The following ALG12 variants were observed in gnomAD, a reference collection of about 807,000 sequenced individuals.
ALG12 encodes the protein dol-P-Man:Man(7)GlcNAc(2)-PP-Dol alpha-1,6-mannosyltransferase.
In ALG12, 36 loss-of-function variants were observed where a neutral mutation model predicts 46.0. The observed-to-expected ratio is 0.78, with a 90% CI of 0.60 to 1.03. The LOEUF (loss-of-function observed/expected upper bound fraction) is 1.03. Ranked by LOEUF, ALG12 falls within the 50% of genes least tolerant of loss-of-function variation. The pLI is 0.00. For synonymous variants in ALG12, 326 were observed against 291.6 expected, an observed-to-expected ratio of 1.12 and a Z score of -1.20; for missense variants, 599 against 633.5, an observed-to-expected ratio of 0.95 and a Z score of 0.58.
chr22:49,866,940 T>G, the ALG12 span, among the ~76,000 whole-genome samples: 14 of 152,308 alleles, frequency 9.2e-5, 2 homozygotes, highest in Admixed American at 2.0e-4. Flanking sequence ...TCACCTGCCT[T>G]CCTTGGCTTG....
chr22:49,914,510 T>C (rs1432933375), intron 1 of ALG12, among the ~76,000 whole-genome samples: 3 of 151,794 alleles, frequency 2.0e-5, no homozygotes, highest in Admixed American at 1.3e-4. Context: ...TGGCAATGGG[T>C]CCCCCAAACA....
intron 3 of ALG12, 110 bp downstream of exon 3, chr22:49,913,275 G>A: frequency 6.5e-7 from 1 of 1,541,486 alleles, no homozygotes; most frequent in South Asian, 1.1e-5. Context: ...TCGAGGGCAG[G>A]CAAGACTAAC....
In ALG12 at chr22:49,913,625, G is replaced by A. The variant is rs745357820; in HGVS notation, c.141C>T (p.Tyr47=). ...TCACCTGCTCCAGGTCTTGCCAGTG[G>A]TAGAGCAGGTCATGTGTGGCCTGCA... The part of the protein sequence containing the change: ...FNLQATHDLL[Y]HWQDLEQYDH... The change falls in exon 2 of 10, where the codon TAC becomes TAT. Residue 47 remains tyrosine (Y), a synonymous_variant. Transcript: ENST00000330817. The A allele has an allele frequency of 1.9e-6, 3 of 1,614,002 alleles. No individual in the cohort carries two copies. The highest frequency in any genetic ancestry group is 1.7e-5 in the Admixed American group (1 of 60,002).
At chr22:49,875,377 A>C in the ALG12 span, among the ~76,000 whole-genome samples, 5 of 151,180 alleles carry the variant, frequency 3.3e-5, no homozygotes, top group African/African-American at 1.2e-4. Flanking sequence ...TCTGTCTTTC[A>C]AGTAATTTGT....
chr22:49,896,176 G>A (rs941099729), downstream of ALG12, among the ~76,000 whole-genome samples: 26 of 152,246 alleles, frequency 1.7e-4, no homozygotes, highest in Non-Finnish European at 3.5e-4. Context: ...ATATGCACGT[G>A]TCTCTTGCAT....
chr22:49,886,733 A>G, the ALG12 span: 5 of 1,613,156 alleles, frequency 3.1e-6, no homozygotes, highest in South Asian at 5.5e-5. This position sits in a 1 kb window ranked among gnomAD's most constrained non-coding sequence, Gnocchi z 7.7. Context: ...GAGGCGGAGC[A>G]GTACAAACAG....
At chr22:49,880,122 C>T in the ALG12 span, among the ~76,000 whole-genome samples, 1 of 89,920 alleles carries the variant, frequency 1.1e-5, no homozygotes, top group Non-Finnish European at 3.1e-5. Flanking sequence ...GTTTCCTCCT[C>T]TTGAGGCTGG....
chr22:49,883,868 A>G, the ALG12 span: 8 of 1,607,348 alleles, frequency 5.0e-6, no homozygotes, highest in Non-Finnish European at 6.8e-6. Context: ...TGCAGCTGCA[A>G]GCCCCCGGGG....
At chr22:49,883,566 C>T in the ALG12 span, 58 of 1,415,934 alleles carry the variant, frequency 4.1e-5, no homozygotes, top group South Asian at 1.2e-4. Context: ...GGAATTATGA[C>T]GAAAAAGTGA....
chr22:49,881,063 T>C, the ALG12 span, among the ~76,000 whole-genome samples: 2 of 152,244 alleles, frequency 1.3e-5, no homozygotes, highest in African/African-American at 4.8e-5. Flanking sequence ...TTTCATTTTC[T>C]GGCCAGGCGC....
chr22:49,865,404 C>T, the ALG12 span, among the ~76,000 whole-genome samples: 3 of 152,178 alleles, frequency 2.0e-5, no homozygotes, highest in South Asian at 6.2e-4. Context: ...AATCCCAGCA[C>T]TTCGGGGGCT....
chr22:49,899,753 C>T (rs919305218), downstream of ALG12, among the ~76,000 whole-genome samples: 1 of 152,036 alleles, frequency 6.6e-6, no homozygotes, highest in Non-Finnish European at 1.5e-5. Context: ...TTGGAAATAA[C>T]CTAACTGACC....
At chr22:49,917,624 C>T (rs1162847802) in intron 1 of ALG12, among the ~76,000 whole-genome samples, 1 of 151,850 alleles carries the variant, frequency 6.6e-6, no homozygotes, top group Non-Finnish European at 1.5e-5. Flanking sequence ...GCTGAGATCG[C>T]GCCACTGCAC....
chr22:49,914,943 G>A (rs150878661), intron 1 of ALG12, among the ~76,000 whole-genome samples: 172 of 152,310 alleles, frequency 1.1e-3, no homozygotes, highest in African/African-American at 4.1e-3. Flanking sequence ...AGCCCAGGCT[G>A]GTATGGAATT....
rs2060521190 is a variant in ALG12 at position 49,902,852 on chromosome 22, T to C, written c.*986A>G. ...ACTGTGTATGCATAGTGTGTGCACGTGTGCACTGTGTGTGGATGCATGGTA... is the reference window on the plus strand; with the variant it reads ...ACTGTGTATGCATAGTGTGTGCACGCGTGCACTGTGTGTGGATGCATGGTA... On this transcript the variant is annotated 3_prime_UTR_variant, in exon 10 of 10. Coordinates refer to ENST00000330817, the MANE Select transcript of ALG12 (RefSeq NM_024105.4). 2.6e-5 allele frequency: 3 copies of C among 117,494 alleles called. No individual in the cohort carries two copies. The highest frequency in any genetic ancestry group is 2.1e-4 in the Admixed American group (3 of 14,252). 7.3% of individuals were successfully genotyped at this position (117,494 alleles called of 1,614,324 possible). A position where few individuals can be genotyped will look rare whatever the true frequency, so the allele number is the denominator to read the frequency against.
the ALG12 span, chr22:49,888,903 T>A: frequency 1.3e-4 from 22 of 167,360 alleles, no homozygotes; most frequent in African/African-American, 5.1e-4. Flanking sequence ...TAGAAAGGGT[T>A]GCGCACAGGA....
chr22:49,905,633 G>A lies in ALG12; in HGVS notation c.993-1127C>T, dbSNP rs1465017633. Among the ~76,000 whole-genome samples, 2 of 152,158 alleles carry A rather than the reference G, an allele frequency of 1.3e-5. No individual in the cohort carries two copies. Among genetic ancestry groups the A allele is most frequent in the Non-Finnish European group, 2.9e-5 (2 of 68,028 alleles). On this transcript the variant is annotated intron_variant, in intron 7 of 9. Coordinates refer to ENST00000330817, the MANE Select transcript of ALG12 (RefSeq NM_024105.4). The surrounding 1 kb of genome is among the most constrained non-coding windows in gnomAD (Gnocchi z 4.9). ...CGTGCCCGCTTCCCTCTCGCCTTCC[G>A]CCATAATGGAAAGTTTTCCCAGGCC...
rs1424906960 is a variant in ALG12 at position 49,905,296 on chromosome 22, C to T, written c.993-790G>A. Reference sequence around the variant, plus strand: ...CCAACCCTGGTCTAAACGCCCTGAACCCCCGATCAAGACTCACTCTCTTCC... The same window carrying T: ...CCAACCCTGGTCTAAACGCCCTGAATCCCCGATCAAGACTCACTCTCTTCC... On this transcript the variant is annotated intron_variant, in intron 7 of 9. Coordinates refer to ENST00000330817, the MANE Select transcript of ALG12 (RefSeq NM_024105.4). This position sits in a 1 kb window ranked among gnomAD's most constrained non-coding sequence, Gnocchi z 4.9. 6.6e-6 allele frequency among the ~76,000 whole-genome samples: 1 copy of T among 152,188 alleles called. No homozygotes were observed. The highest frequency in any genetic ancestry group is 2.4e-5 in the African/African-American group (1 of 41,450).
chr22:49,878,228 C>A, the ALG12 span, among the ~76,000 whole-genome samples: 2 of 147,244 alleles, frequency 1.4e-5, no homozygotes, highest in African/African-American at 4.9e-5. Context: ...TCGTTTGAAC[C>A]CGGGAGGCGG....
Sources: gnomAD v4.1 joint callset for allele counts (sites outside exome capture counted in the v4.1 genomes callset) on GRCh38, gnomAD v4.1.1 for gene constraint, Gnocchi (gnomAD v3.1) non-coding constraint, MANE v1.5 for transcripts, NCBI Gene and HGNC (gene_info 2026-07-23, HGNC 2026-07-21) for gene names.